The following NFXL1 variants were observed in gnomAD, a reference collection of about 807,000 sequenced individuals.
NFXL1 encodes nuclear transcription factor, X-box binding like 1.
NFXL1 carries 66 observed loss-of-function variants against 123.3 expected under a neutral mutation model. The ratio of observed to expected loss-of-function variants is 0.54; its 90% CI spans 0.44 to 0.66. The LOEUF (loss-of-function observed/expected upper bound fraction) is 0.66, where lower values mean the gene tolerates loss of function less well. NFXL1 is among the 30% of genes least tolerant of loss of function. The pLI, the probability that NFXL1 is intolerant of heterozygous loss-of-function variation, is 0.00. For missense variants in NFXL1, 944 were observed against 1,125.6 expected, an observed-to-expected ratio of 0.84 and a Z score of 2.31; for synonymous variants, 346 against 360.8, an observed-to-expected ratio of 0.96 and a Z score of 0.46.
At position 47,875,150 on chromosome 4, in the gene NFXL1, G is replaced by C. The variant is rs774605626; in HGVS notation, c.2223C>G (p.Ile741Met). ...QMLRIKCHCK[I>M]TSLYVECRKI... ...ACCTACATTCCACATACAGGCTTGT[G>C]ATCTTACAGTGACATTTTATTCTAA... The change falls in exon 18 of 23, where the codon ATC becomes ATG. Residue 741 changes from isoleucine to methionine, a missense_variant. Around this residue, in one of 4 missense-constraint regions of NFXL1, gnomAD observed 301 missense variants for 348.0 expected, o/e 0.86. Coordinates refer to ENST00000507489, the MANE Select transcript of NFXL1 (RefSeq NM_001278624.2). The C allele has an allele frequency of 6.2e-7, 1 of 1,610,668 alleles. No homozygotes were observed.
intron 9 of NFXL1, 95 bp from the exon 10 acceptor site, chr4:47,896,742 C>A: frequency 1.4e-6 from 1 of 712,706 alleles, no homozygotes. Context: ...GGAATGCTAG[C>A]ACTTTCAGAC....
intron 17 of NFXL1, chr4:47,877,216 A>C: frequency 2.2e-6 from 1 of 456,048 alleles, no homozygotes. Flanking sequence ...GTATACTTAG[A>C]ATATGAGCTC....
chr4:47,860,914 G>A (rs187722720), intron 19 of NFXL1, among the ~76,000 whole-genome samples: 58 of 150,942 alleles, frequency 3.8e-4, no homozygotes, highest in Non-Finnish European at 4.9e-4. Flanking sequence ...GTGCAATGGC[G>A]CCATCTTGGC....
chr4:47,881,759 C>T (rs781561274), intron 15 of NFXL1, among the ~76,000 whole-genome samples: 1 of 152,076 alleles, frequency 6.6e-6, no homozygotes, highest in Non-Finnish European at 1.5e-5. Context: ...AACCATATTG[C>T]TAAGTGAAGA....
At chr4:47,892,005 T>C (rs1303970655) in intron 11 of NFXL1, among the ~76,000 whole-genome samples, 1 of 152,150 alleles carries the variant, frequency 6.6e-6, no homozygotes, top group African/African-American at 2.4e-5. Context: ...ACTATGTGCC[T>C]ATCCTATCAC....
Position 47,848,233 on chromosome 4 carries a change from T to C in NFXL1, c.2666A>G (p.Tyr889Cys). The C allele has an allele frequency of 6.2e-7, 1 of 1,612,838 alleles. No individual in the cohort carries two copies. ...VELSLWQKHK[Y>C]YLISVCGVVV... ...AACTCCACACACTGAAATGAGATAA[T>C]ATTTATGTTTTTGCCATAGTGATAG... Residue 889 changes from tyrosine to cysteine, a missense_variant, in exon 23 of 23, where the codon TAT (tyrosine) becomes TGT (cysteine). Around this residue, in one of 4 missense-constraint regions of NFXL1, gnomAD observed 301 missense variants for 348.0 expected, o/e 0.86. Transcript: ENST00000507489.
chr4:47,859,841 CA>C (rs938207203), intron 19 of NFXL1, among the ~76,000 whole-genome samples: 8 of 14,312 alleles, frequency 5.6e-4, no homozygotes, highest in African/African-American at 1.8e-3. Context: ...GACTCCATCT[CA>C]AAAAAAAAAA....
chr4:47,912,980 T>G (rs1737914341), intron 2 of NFXL1, among the ~76,000 whole-genome samples: 1 of 128,868 alleles, frequency 7.8e-6, no homozygotes, highest in African/African-American at 3.0e-5. Flanking sequence ...GCCACTGCAC[T>G]CCAGCCTGGG....
chr4:47,911,118 T>C (rs753662414), intron 2 of NFXL1, 124 bp from the exon 3 acceptor site: 2 of 485,540 alleles, frequency 4.1e-6, no homozygotes, highest in Non-Finnish European at 7.0e-6. Flanking sequence ...TACCTTCCTG[T>C]AATCCACGAG....
At chr4:47,904,855 A>G (rs1737494551) in intron 4 of NFXL1, among the ~76,000 whole-genome samples, 1 of 152,214 alleles carries the variant, frequency 6.6e-6, no homozygotes, top group African/African-American at 2.4e-5. Context: ...ATTAAGCCAT[A>G]AGTGTTACTG....
intron 19 of NFXL1, among the ~76,000 whole-genome samples, chr4:47,856,703 C>T (rs1220918142): frequency 6.6e-6 from 1 of 152,192 alleles, no homozygotes; most frequent in Non-Finnish European, 1.5e-5. Context: ...ATTCAGATCA[C>T]TCACACTGTG....
chr4:47,863,361 C>T (rs1398641357), intron 18 of NFXL1, among the ~76,000 whole-genome samples: 1 of 152,072 alleles, frequency 6.6e-6, no homozygotes, highest in Non-Finnish European at 1.5e-5. Flanking sequence ...ATTTAAAAAG[C>T]TTGGGTAAGC....
chr4:47,859,860 A>C (rs1577990256), intron 19 of NFXL1, among the ~76,000 whole-genome samples: 2 of 145,890 alleles, frequency 1.4e-5, no homozygotes, highest in South Asian at 4.3e-4. Context: ...AAAAAAAAAA[A>C]AAAAAAAAAA....
At chr4:47,890,882 C>CATACTTCACTAAGAA (rs1473913298) in intron 11 of NFXL1, among the ~76,000 whole-genome samples, 179 bp from the exon 12 acceptor site, 19 of 152,192 alleles carry the variant, frequency 1.2e-4, no homozygotes, top group Admixed American at 3.3e-4. Context: ...CTTATGATGA[C>CATACTTCACTAAGAA]CTAATTTAAC....
chr4:47,878,001 C>T (rs1735857194), intron 17 of NFXL1, among the ~76,000 whole-genome samples: 1 of 152,018 alleles, frequency 6.6e-6, no homozygotes, highest in African/African-American at 2.4e-5. Context: ...AGTTCTCATA[C>T]ACTTGTAAAA....
rs147131338 is a variant in NFXL1 at position 47,885,520 on chromosome 4, G to A, written c.1802C>T (p.Ala601Val). ...TACCCTGCCAGTCTGCTTTATTAAT[G>A]CTTGATCATGACACGGAGCAGGACA... ...HLCPAPCHDQ[A>V]LIKQTGRHQP... The change falls in exon 14 of 23, where the codon GCA becomes GTA. Residue 601 changes from alanine to valine, a missense_variant. This residue lies in a region of NFXL1 where 44 missense variants were observed against 90.4 expected (regional missense o/e 0.49). Transcript: ENST00000507489. The A allele has an allele frequency of 1.2e-4, 189 of 1,612,916 alleles. No individual in the cohort carries two copies. Among genetic ancestry groups the A allele is most frequent in the Non-Finnish European group, 1.5e-4 (180 of 1,179,114 alleles).
chr4:47,867,417 A>C (rs935706069), intron 18 of NFXL1, among the ~76,000 whole-genome samples: 1 of 152,146 alleles, frequency 6.6e-6, no homozygotes, highest in Non-Finnish European at 1.5e-5. Flanking sequence ...GTATCAAAGA[A>C]GTAATTGAGT....
chr4:47,850,785 C>T (rs954964760), intron 22 of NFXL1, among the ~76,000 whole-genome samples: 3 of 151,926 alleles, frequency 2.0e-5, no homozygotes, highest in Non-Finnish European at 2.9e-5. Context: ...GGTGATGATT[C>T]GCTCACTCTC....
At chr4:47,895,733 T>C (rs563402900) in intron 10 of NFXL1, among the ~76,000 whole-genome samples, 1 of 152,344 alleles carries the variant, frequency 6.6e-6, no homozygotes, top group Admixed American at 6.5e-5. Context: ...TGTTTCACTT[T>C]CTTAACATTC....
Sources: allele counts gnomAD v4.1 joint callset (sites outside exome capture counted in the v4.1 genomes callset), GRCh38; gene constraint gnomAD v4.1.1; regional missense constraint gnomAD v4.1.1; transcripts MANE v1.5; gene names NCBI Gene and HGNC (gene_info 2026-07-23, HGNC 2026-07-21).